The following NFATC2 variants were observed in gnomAD, a reference collection of about 807,000 sequenced individuals.
The protein encoded by NFATC2 is nuclear factor of activated T-cells, cytoplasmic 2.
A neutral mutation model predicts 87.3 loss-of-function variants in NFATC2; 22 were observed. That is an observed-to-expected ratio of 0.25 (90% CI 0.18 to 0.36). NFATC2 has a LOEUF of 0.36. Among genes scored for constraint, NFATC2 ranks in the 10% least tolerant of loss-of-function variants. NFATC2 has a pLI of 1.00. For synonymous variants in NFATC2, 565 were observed against 542.2 expected, an observed-to-expected ratio of 1.04 and a Z score of -0.58; for missense variants, 1,149 against 1,259.1, an observed-to-expected ratio of 0.91 and a Z score of 1.32.
At chr20:51,448,717 C>T (rs1303613666) in intron 6 of NFATC2, among the ~76,000 whole-genome samples, 2 of 152,116 alleles carry the variant, frequency 1.3e-5, no homozygotes, top group Non-Finnish European at 2.9e-5. Flanking sequence ...AAGCCAAGGT[C>T]CTGAGACAGA....
rs775371963 is a variant in NFATC2 at position 51,523,671 on chromosome 20, G to A, written c.570C>T (p.Cys190=). The A allele has an allele frequency of 3.7e-6, 6 of 1,613,836 alleles. No individual in the cohort carries two copies. Among genetic ancestry groups the A allele is most frequent in the Non-Finnish European group, 5.1e-6 (6 of 1,179,840 alleles). The part of the protein sequence containing the change: ...SDTFSPYTSP[C]VSPNNGGPDD... Reference sequence around the variant, plus strand: ...CGGGCCCGCCGTTATTGGGCGAGACGCAGGGCGAGGTGTAGGGGGAGAAGG... The same window carrying A: ...CGGGCCCGCCGTTATTGGGCGAGACACAGGGCGAGGTGTAGGGGGAGAAGG... The change falls in exon 2 of 11, where the codon TGC becomes TGT. Residue 190 remains cysteine (C), a synonymous_variant. Coordinates refer to ENST00000371564, the MANE Select transcript of NFATC2 (RefSeq NM_012340.5). The surrounding 1 kb of genome is among the most constrained non-coding windows in gnomAD (Gnocchi z 6.9).
intron 10 of NFATC2, among the ~76,000 whole-genome samples, chr20:51,394,677 A>G (rs1986800149): frequency 6.6e-6 from 1 of 152,202 alleles, no homozygotes; most frequent in Non-Finnish European, 1.5e-5. Flanking sequence ...AGAAGCTTAG[A>G]AAGGGATTGG....
At chr20:51,528,817 G>A (rs1002275068) in intron 1 of NFATC2, among the ~76,000 whole-genome samples, 8 of 152,156 alleles carry the variant, frequency 5.3e-5, no homozygotes, top group Non-Finnish European at 7.4e-5. Context: ...AAGTAGCAGC[G>A]TGACTTTGGA....
At chr20:51,395,199 CTCCTAGGTAACG>C (rs1343403552) in intron 10 of NFATC2, among the ~76,000 whole-genome samples, 11 of 152,178 alleles carry the variant, frequency 7.2e-5, no homozygotes, top group African/African-American at 2.7e-4. Flanking sequence ...TCTCACACTG[CTCCTAGGTAACG>C]TCATCATCCC....
At chr20:51,463,795 G>A (rs760199877) in intron 5 of NFATC2, among the ~76,000 whole-genome samples, 2 of 152,140 alleles carry the variant, frequency 1.3e-5, no homozygotes, top group Non-Finnish European at 2.9e-5. Flanking sequence ...CTGAGCAAAC[G>A]TTTAAGATGG....
intron 2 of NFATC2, among the ~76,000 whole-genome samples, chr20:51,519,089 C>CT (rs1178411857): frequency 4.6e-5 from 7 of 152,224 alleles, no homozygotes; most frequent in Admixed American, 6.5e-5. Context: ...TGCCAACATG[C>CT]TTTCAAGCTT....
At chr20:51,500,151 G>A (rs761969287) in intron 3 of NFATC2, among the ~76,000 whole-genome samples, 1 of 152,084 alleles carries the variant, frequency 6.6e-6, no homozygotes, top group Non-Finnish European at 1.5e-5. Flanking sequence ...GGTCTGGCAC[G>A]TAGGAATCCC....
At chr20:51,528,359 C>T (rs1016165963) in intron 1 of NFATC2, among the ~76,000 whole-genome samples, 2 of 152,192 alleles carry the variant, frequency 1.3e-5, no homozygotes, top group East Asian at 3.9e-4. Context: ...GTATAGTGTG[C>T]ACAGCATAAA....
At chr20:51,546,748 A>G (rs1568754758), upstream of NFATC2, among the ~76,000 whole-genome samples, 3 of 152,220 alleles carry the variant, frequency 2.0e-5, no homozygotes, top group South Asian at 6.2e-4. Flanking sequence ...AAAGGCAAGG[A>G]GAATGTGTTA....
intron 3 of NFATC2, among the ~76,000 whole-genome samples, chr20:51,488,054 C>G (rs182235330): frequency 1.3e-5 from 2 of 152,030 alleles, no homozygotes; most frequent in Admixed American, 6.6e-5. Flanking sequence ...TTATGTGGAG[C>G]GTATGGGGCC....
chr20:51,398,212 C>T (rs746934515), intron 10 of NFATC2, among the ~76,000 whole-genome samples: 17 of 152,316 alleles, frequency 1.1e-4, no homozygotes, highest in Admixed American at 2.6e-4. Flanking sequence ...CAGGGCGGGG[C>T]TTCCTCAGTG....
At chr20:51,512,572 A>G (rs2076289090) in intron 3 of NFATC2, among the ~76,000 whole-genome samples, 1 of 152,186 alleles carries the variant, frequency 6.6e-6, no homozygotes, top group Non-Finnish European at 1.5e-5. Flanking sequence ...TTCTCCCAAG[A>G]CCAAGTACCA....
chr20:51,432,782 G>A lies in NFATC2; in HGVS notation c.2033-26C>T. 6.6e-7 allele frequency: 1 copy of A among 1,523,108 alleles called. No individual in the cohort carries two copies. The highest frequency in any genetic ancestry group is 2.1e-5 in the Admixed American group (1 of 47,648). 94.3% of individuals were successfully genotyped at this position (1,523,108 alleles called of 1,614,324 possible). ...CTGGGAGGAGAAAAGAGCACATAGG[G>A]GCGCCCATGGCAGTGAGCCACGGAT... On this transcript the variant is annotated intron_variant, in intron 8 of 10. Transcript: ENST00000371564. The surrounding 1 kb of genome is among the most constrained non-coding windows in gnomAD (Gnocchi z 4.6).
chr20:51,424,064 A>C (rs560539426), intron 9 of NFATC2, among the ~76,000 whole-genome samples: 17 of 152,248 alleles, frequency 1.1e-4, no homozygotes, highest in Non-Finnish European at 1.9e-4. Context: ...GAAACAAGAG[A>C]GGGAAACGAG....
intron 6 of NFATC2, among the ~76,000 whole-genome samples, chr20:51,442,958 T>C (rs946328369): frequency 2.0e-5 from 3 of 152,090 alleles, no homozygotes; most frequent in Admixed American, 6.5e-5. Context: ...GGACTCAGGG[T>C]TGCTTATGTC....
rs536813822 is a variant in NFATC2, at chr20:51,477,535, C to A, written c.1333-1875G>T. ...TATATATACATATGTGTGTGTGTGT[C>A]TATATATATATATATATATATATAT... On this transcript the variant is annotated intron_variant, in intron 3 of 10. Transcript: ENST00000371564. Among the ~76,000 whole-genome samples the A allele has an allele frequency of 5.8e-3, 419 of 72,536 alleles. 2 individuals carry two copies. Among genetic ancestry groups the A allele is most frequent in the African/African-American group, 9.2e-3 (185 of 20,086 alleles). 47.6% of individuals were successfully genotyped at this position (72,536 alleles called of 152,430 possible).
At chr20:51,408,705 C>A (rs1978751240) in intron 9 of NFATC2, among the ~76,000 whole-genome samples, 1 of 151,976 alleles carries the variant, frequency 6.6e-6, no homozygotes, top group East Asian at 1.9e-4. Flanking sequence ...GATTACAGAC[C>A]CAAGGGTACA....
chr20:51,529,331 C>A (rs1211551449), intron 1 of NFATC2, among the ~76,000 whole-genome samples: 1 of 149,382 alleles, frequency 6.7e-6, no homozygotes, highest in African/African-American at 2.5e-5. Context: ...AAAGCATTTA[C>A]ATTGGTTTTC....
chr20:51,395,508 A>G (rs1311040790), intron 10 of NFATC2, among the ~76,000 whole-genome samples: 3 of 152,066 alleles, frequency 2.0e-5, no homozygotes, highest in Non-Finnish European at 4.4e-5. Flanking sequence ...TCAGAACACA[A>G]TTGAGGCCAG....
Sources: allele counts gnomAD v4.1 joint callset (sites outside exome capture counted in the v4.1 genomes callset), GRCh38; gene constraint gnomAD v4.1.1; non-coding constraint Gnocchi (gnomAD v3.1); transcripts MANE v1.5; gene names NCBI Gene and HGNC (gene_info 2026-07-23, HGNC 2026-07-21).